The following MED12L variants were observed in gnomAD, a reference collection of about 807,000 sequenced individuals.
The protein encoded by MED12L is mediator complex subunit 12L.
In MED12L, 60 loss-of-function variants were observed where a neutral mutation model predicts 281.3. That is an observed-to-expected ratio of 0.21 (90% CI 0.17 to 0.26). The LOEUF is 0.26. Ranked by LOEUF, MED12L falls within the 10% of genes least tolerant of loss-of-function variation. The probability of loss-of-function intolerance (pLI) is 1.00; values close to 1 mark genes in which losing one functional copy is unlikely to be tolerated. For synonymous variants in MED12L, 974 were observed against 987.2 expected (o/e 0.99, Z 0.25); for missense variants, 2,146 against 2,680.9 (o/e 0.80, Z 4.41).
chr3:151,410,165 C>T (rs770482805), intron 40 of MED12L, among the ~76,000 whole-genome samples: 1 of 152,154 alleles, frequency 6.6e-6, no homozygotes, highest in Non-Finnish European at 1.5e-5. Flanking sequence ...ACCTATGGAA[C>T]AACCAGTGGA....
At chr3:151,138,227 T>C (rs181218429) in intron 5 of MED12L, among the ~76,000 whole-genome samples, 167 of 135,808 alleles carry the variant, frequency 1.2e-3, no homozygotes, top group Non-Finnish European at 2.3e-3. Flanking sequence ...TGTTCTCTGT[T>C]CCTTTTTGTG....
intron 23 of MED12L, among the ~76,000 whole-genome samples, chr3:151,366,625 CT>C: frequency 6.6e-6 from 1 of 152,218 alleles, no homozygotes; most frequent in South Asian, 2.1e-4. Context: ...TTGGAGTAGT[CT>C]TTGTCGTACA....
chr3:151,235,284 A>G (rs1264281318), intron 16 of MED12L, among the ~76,000 whole-genome samples: 1 of 152,294 alleles, frequency 6.6e-6, no homozygotes, highest in South Asian at 2.1e-4. Flanking sequence ...TTGTAAACTG[A>G]TGGGGGCAGG....
intron 39 of MED12L, among the ~76,000 whole-genome samples, chr3:151,400,343 A>G (rs1438709687): frequency 6.6e-6 from 1 of 152,242 alleles, no homozygotes; most frequent in Non-Finnish European, 1.5e-5. Context: ...GACAGAAGAT[A>G]TGTTTAGCTT....
At chr3:151,284,273 T>C (rs987088008) in intron 16 of MED12L, among the ~76,000 whole-genome samples, 8 of 151,970 alleles carry the variant, frequency 5.3e-5, no homozygotes, top group African/African-American at 1.9e-4. Flanking sequence ...TGATCACATG[T>C]AGAGTTTTGT....
chr3:151,198,489 A>G (rs1394424660), intron 16 of MED12L: 1 of 1,613,208 alleles, frequency 6.2e-7, no homozygotes, highest in Admixed American at 1.7e-5. Flanking sequence ...GGTGAGGCAA[A>G]AGTCTCAGTG....
chr3:151,197,351 AG>A (rs1320421234), intron 16 of MED12L, among the ~76,000 whole-genome samples: 1 of 152,042 alleles, frequency 6.6e-6, no homozygotes, highest in Non-Finnish European at 1.5e-5. Context: ...TTTAGTACAG[AG>A]GGGGTTTCAT....
At chr3:151,217,077 A>G (rs1728386075) in intron 16 of MED12L, among the ~76,000 whole-genome samples, 1 of 152,190 alleles carries the variant, frequency 6.6e-6, no homozygotes, top group African/African-American at 2.4e-5. Flanking sequence ...TGTAGCTGTT[A>G]TTTTGGAAAA....
At chr3:151,301,275 C>G (rs149703924) in intron 16 of MED12L, among the ~76,000 whole-genome samples, 392 of 152,266 alleles carry the variant, frequency 2.6e-3, no homozygotes, top group African/African-American at 8.8e-3. Context: ...TAATAATGAT[C>G]TTTGGATTTC....
intron 27 of MED12L, among the ~76,000 whole-genome samples, chr3:151,374,373 C>T (rs557386747): frequency 2.0e-5 from 3 of 152,112 alleles, no homozygotes; most frequent in Non-Finnish European, 4.4e-5. Context: ...CATGGTGAAA[C>T]CCCATCTCTA....
chr3:151,167,627 G>A (rs545475239), intron 11 of MED12L, among the ~76,000 whole-genome samples: 10 of 152,298 alleles, frequency 6.6e-5, no homozygotes, highest in South Asian at 2.1e-4. Context: ...CATTCAGAAC[G>A]TTGAGAGCAA....
At chr3:151,237,091 C>G (rs1732982531) in intron 16 of MED12L, among the ~76,000 whole-genome samples, 1 of 149,670 alleles carries the variant, frequency 6.7e-6, no homozygotes, top group Non-Finnish European at 1.5e-5. Context: ...CTCTGTTGCC[C>G]AGGCTGGAGT....
chr3:151,222,185 C>T (rs1729499931), intron 16 of MED12L, among the ~76,000 whole-genome samples: 1 of 152,214 alleles, frequency 6.6e-6, no homozygotes, highest in South Asian at 2.1e-4. Context: ...TGCATTGTAT[C>T]TAGGAAGTAA....
At chr3:151,192,186 ATAGATAT>A (rs1405994606) in intron 14 of MED12L, among the ~76,000 whole-genome samples, 13 of 152,202 alleles carry the variant, frequency 8.5e-5, no homozygotes, top group African/African-American at 2.9e-4. Context: ...TTTCTATTCT[ATAGATAT>A]TAAAGTGTCT....
In MED12L at chr3:151,376,146, C is replaced by A. The variant is rs758289199; in HGVS notation, c.3985C>A (p.Pro1329Thr). 1.2e-6 allele frequency: 2 copies of A among 1,610,050 alleles called. No homozygotes were observed. Among genetic ancestry groups the A allele is most frequent in the Admixed American group, 1.7e-5 (1 of 59,004 alleles). The change falls in exon 28 of 45, where the codon CCT (proline) becomes ACT (threonine). Residue 1329 changes from proline (P) to threonine (T), a missense_variant. By Grantham distance (38) the Pro-to-Thr change is conservative. Transcript: ENST00000687756. ...GAAATTACTGCAGCTTATCTGTTAT[C>A]CTCATGGCATTAAAGAATGTACCGA... is the stretch of plus-strand genomic sequence containing the variant. ...AQKLLQLICY[P>T]HGIKECTEGD...
chr3:151,230,515 C>T (rs1463737153), intron 16 of MED12L, among the ~76,000 whole-genome samples: 13 of 151,468 alleles, frequency 8.6e-5, no homozygotes, highest in Admixed American at 8.5e-4. Context: ...CTTTGATGCT[C>T]ATTGACATCC....
At position 151,148,104 on chromosome 3, in the gene MED12L, C is replaced by T. The variant is rs188214761; in HGVS notation, c.557-8057C>T. ...ATGGTTTTGATTTGCATTTCTCTATCGGCTAATGGTGTTGACCATCTTAAA... is the reference window on the plus strand; with the variant it reads ...ATGGTTTTGATTTGCATTTCTCTATTGGCTAATGGTGTTGACCATCTTAAA... On this transcript the variant is annotated intron_variant, in intron 5 of 44. Transcript: ENST00000687756. 2.0e-3 allele frequency among the ~76,000 whole-genome samples: 307 copies of T among 152,278 alleles called. 4 individuals are homozygous for T. The highest frequency in any genetic ancestry group is 0.019 in the Admixed American group (295 of 15,302).
At chr3:151,176,817 T>C (rs1722106739) in intron 11 of MED12L, among the ~76,000 whole-genome samples, 1 of 151,912 alleles carries the variant, frequency 6.6e-6, no homozygotes, top group Admixed American at 6.5e-5. Flanking sequence ...TCACACTTGG[T>C]CAACTGCGGA....
At chr3:151,319,494 TG>T (rs1401627371) in intron 16 of MED12L, among the ~76,000 whole-genome samples, 3 of 151,404 alleles carry the variant, frequency 2.0e-5, no homozygotes, top group African/African-American at 7.3e-5. Context: ...TGTGTGTGTG[TG>T]TGTGTGTGTG....
Sources: gnomAD v4.1 joint callset for allele counts (sites outside exome capture counted in the v4.1 genomes callset) on GRCh38, gnomAD v4.1.1 for gene constraint, MANE v1.5 for transcripts, NCBI Gene and HGNC (gene_info 2026-07-23, HGNC 2026-07-21) for gene names.